NELL1: variants seen among roughly 807,000 people sequenced by gnomAD.
NELL1 encodes the protein protein kinase C-binding protein NELL1.
Under a neutral mutation model 107.4 loss-of-function variants are expected in NELL1, and 76 were observed. That is an observed-to-expected ratio of 0.71 (90% CI 0.59 to 0.86). The LOEUF is 0.86. Among genes scored for constraint, NELL1 ranks in the 40% least tolerant of loss-of-function variants. The pLI, the probability that NELL1 is intolerant of heterozygous loss-of-function variation, is 0.00. For missense variants in NELL1, 1,024 were observed against 1,005.5 expected, an observed-to-expected ratio of 1.02 and a Z score of -0.25; for synonymous variants, 353 against 341.2, an observed-to-expected ratio of 1.03 and a Z score of -0.38.
intron 13 of NELL1, among the ~76,000 whole-genome samples, chr11:21,184,424 C>G (rs932731104): frequency 6.6e-6 from 1 of 151,644 alleles, no homozygotes; most frequent in African/African-American, 2.4e-5. Context: ...AGGTGCCCAC[C>G]ATGACCGGCT....
intron 2 of NELL1, among the ~76,000 whole-genome samples, chr11:20,683,487 C>A (rs1014103271): frequency 2.6e-5 from 4 of 152,012 alleles, no homozygotes; most frequent in African/African-American, 9.7e-5. Flanking sequence ...TGGAAGTAGT[C>A]CTCAGTGTCT....
chr11:21,052,263 T>C (rs1853511169), intron 12 of NELL1, among the ~76,000 whole-genome samples: 1 of 152,062 alleles, frequency 6.6e-6, no homozygotes, highest in Non-Finnish European at 1.5e-5. Flanking sequence ...TGTACATCAT[T>C]GTAAGACCTT....
intron 14 of NELL1, among the ~76,000 whole-genome samples, chr11:21,268,780 G>A (rs769759159): frequency 2.6e-5 from 4 of 152,150 alleles, no homozygotes; most frequent in South Asian, 4.1e-4. Context: ...ACTAAAAGGA[G>A]AAAGCACAGT....
intron 2 of NELL1, among the ~76,000 whole-genome samples, chr11:20,738,482 G>T (rs947389744): frequency 1.3e-5 from 2 of 152,156 alleles, no homozygotes; most frequent in Non-Finnish European, 2.9e-5. Flanking sequence ...GGGAGAGACT[G>T]GTTTGAGCTA....
chr11:21,286,489 T>C (rs1045028656), intron 14 of NELL1, among the ~76,000 whole-genome samples: 2 of 152,196 alleles, frequency 1.3e-5, no homozygotes, highest in African/African-American at 4.8e-5. Context: ...GCACCTCCAA[T>C]GCCACGCTAA....
At chr11:21,525,895 A>G (rs763371893) in intron 15 of NELL1, among the ~76,000 whole-genome samples, 5 of 152,148 alleles carry the variant, frequency 3.3e-5, no homozygotes, top group Non-Finnish European at 5.9e-5. Context: ...GATTACTACA[A>G]TCCAAGGTGA....
In NELL1 at chr11:20,705,406, C is replaced by G. The variant is rs182899370; in HGVS notation, c.184+27346C>G. 2.7e-4 allele frequency among the ~76,000 whole-genome samples: 41 copies of G among 152,078 alleles called. No individual in the cohort carries two copies. In the South Asian group the frequency reaches 2.7e-3, roughly 10 times the overall value. ...CTTTGACAAACCTGACAAAAACAAG[C>G]GATGGGGAAAGGATTCCCTATTTAA... On this transcript the variant is annotated intron_variant, in intron 2 of 19. Coordinates refer to ENST00000357134, the MANE Select transcript of NELL1 (RefSeq NM_006157.5).
At chr11:20,862,837 TCAA>T (rs948295045) in intron 4 of NELL1, among the ~76,000 whole-genome samples, 1 of 152,052 alleles carries the variant, frequency 6.6e-6, no homozygotes, top group African/African-American at 2.4e-5. Flanking sequence ...AAGCATCTGT[TCAA>T]CAAAGCACAT....
chr11:21,397,742 A>G lies in NELL1; in HGVS notation c.1645+26794A>G, dbSNP rs552418476. 6.6e-5 allele frequency among the ~76,000 whole-genome samples: 10 copies of G among 151,810 alleles called. No individual in the cohort carries two copies. In the South Asian group the frequency reaches 1.7e-3, roughly 25 times the overall value. On this transcript the variant is annotated intron_variant, in intron 15 of 19. Coordinates refer to ENST00000357134, the MANE Select transcript of NELL1 (RefSeq NM_006157.5). The stretch of plus-strand genomic sequence containing the variant: ...TTTAAATTTTCACCCTCAAAGGGAT[A>G]GTACTAGAAGATAAGGCCTCTGGGA...
intron 13 of NELL1, among the ~76,000 whole-genome samples, chr11:21,175,010 C>T (rs1203459044): frequency 2.6e-5 from 4 of 151,672 alleles, no homozygotes; most frequent in African/African-American, 4.9e-5. Context: ...ACAGGGCAGG[C>T]CAGGACAAAC....
chr11:21,538,504 GTC>G (rs1856200272), intron 16 of NELL1, among the ~76,000 whole-genome samples: 1 of 152,000 alleles, frequency 6.6e-6, no homozygotes, highest in African/African-American at 2.4e-5. Flanking sequence ...CTCTCTCTCT[GTC>G]TCTCTCTTTG....
intron 3 of NELL1, among the ~76,000 whole-genome samples, chr11:20,846,482 C>A (rs1848703648): frequency 6.6e-6 from 1 of 152,084 alleles, no homozygotes; most frequent in South Asian, 2.1e-4. Context: ...AGCCTAGTTA[C>A]CTGTCTAGGC....
chr11:21,544,109 C>A (rs540188647), intron 16 of NELL1, among the ~76,000 whole-genome samples: 66 of 152,068 alleles, frequency 4.3e-4, no homozygotes, highest in African/African-American at 1.5e-3. Flanking sequence ...TGAAGCAATA[C>A]AGGCATATGG....
intron 3 of NELL1, among the ~76,000 whole-genome samples, chr11:20,833,624 A>T (rs1858060017): frequency 6.6e-6 from 1 of 152,186 alleles, no homozygotes; most frequent in Non-Finnish European, 1.5e-5. Context: ...AATAATGAGA[A>T]AAATATTTAA....
At chr11:21,147,558 C>T (rs186006672) in intron 13 of NELL1, among the ~76,000 whole-genome samples, 58 of 152,034 alleles carry the variant, frequency 3.8e-4, no homozygotes, top group African/African-American at 1.4e-3. Flanking sequence ...ATAGGCTGGG[C>T]ATGGTGGCTC....
At chr11:20,753,297 T>C (rs1446847536) in intron 2 of NELL1, among the ~76,000 whole-genome samples, 2 of 152,232 alleles carry the variant, frequency 1.3e-5, no homozygotes, top group African/African-American at 4.8e-5. Flanking sequence ...CCAAAAAGCA[T>C]AGGATAGCAG....
intron 13 of NELL1, among the ~76,000 whole-genome samples, chr11:21,167,994 A>G (rs2133808495): frequency 6.6e-6 from 1 of 151,828 alleles, no homozygotes; most frequent in East Asian, 1.9e-4. Flanking sequence ...TAGTTTGCTC[A>G]TTGACTTGCA....
At chr11:20,833,947 A>G (rs1460512315) in intron 3 of NELL1, among the ~76,000 whole-genome samples, 2 of 152,208 alleles carry the variant, frequency 1.3e-5, no homozygotes, top group East Asian at 1.9e-4. Flanking sequence ...CCTGAAGCGC[A>G]TGCCTAAGAC....
chr11:21,248,101 T>G (rs1286173467), intron 14 of NELL1, among the ~76,000 whole-genome samples: 1 of 152,176 alleles, frequency 6.6e-6, no homozygotes, highest in Non-Finnish European at 1.5e-5. Flanking sequence ...TTCCAGCCTT[T>G]TGGCAGGCCA....
Sources: allele counts gnomAD v4.1 joint callset (sites outside exome capture counted in the v4.1 genomes callset), GRCh38; gene constraint gnomAD v4.1.1; transcripts MANE v1.5; gene names NCBI Gene and HGNC (gene_info 2026-07-23, HGNC 2026-07-21).